The following MINDY4 variants were observed in gnomAD, a reference collection of about 807,000 sequenced individuals.
The protein encoded by MINDY4 is MINDY lysine 48 deubiquitinase 4.
MINDY4 carries 68 observed loss-of-function variants against 87.0 expected under a neutral mutation model. That is an observed-to-expected ratio of 0.78 (90% CI 0.64 to 0.96). The LOEUF (loss-of-function observed/expected upper bound fraction) is 0.96. Among genes scored for constraint, MINDY4 ranks in the 40% least tolerant of loss-of-function variants. The pLI is 0.00. For missense variants in MINDY4, 919 were observed against 928.2 expected, an observed-to-expected ratio of 0.99 and a Z score of 0.13; for synonymous variants, 379 against 363.2, an observed-to-expected ratio of 1.04 and a Z score of -0.50.
At chr7:30,852,497 T>A (rs1373996881) in intron 11 of MINDY4, among the ~76,000 whole-genome samples, 1 of 152,148 alleles carries the variant, frequency 6.6e-6, no homozygotes, top group East Asian at 1.9e-4. Flanking sequence ...GCTGACTGGC[T>A]TCCTGTCCCA....
chr7:30,882,133 C>T, intron 15 of MINDY4, 48 bp from the exon 16 acceptor site: 1 of 1,542,462 alleles, frequency 6.5e-7, no homozygotes, highest in Non-Finnish European at 8.8e-7. Flanking sequence ...ATGCCCGGAC[C>T]CCTTTCCCTG....
chr7:30,828,969 C>T (rs1240953980), intron 6 of MINDY4, among the ~76,000 whole-genome samples: 7 of 152,082 alleles, frequency 4.6e-5, no homozygotes, highest in Non-Finnish European at 2.9e-5. Flanking sequence ...TGGATCTACA[C>T]TGTGGGGCCA....
At chr7:30,819,115 T>C (rs1383966467) in intron 5 of MINDY4, among the ~76,000 whole-genome samples, 1 of 152,192 alleles carries the variant, frequency 6.6e-6, no homozygotes, top group Admixed American at 6.5e-5. Context: ...GTCTATTCTG[T>C]TGTTCTCTTT....
intron 5 of MINDY4, among the ~76,000 whole-genome samples, chr7:30,814,784 C>T (rs757752384): frequency 6.6e-6 from 1 of 152,184 alleles, no homozygotes; most frequent in African/African-American, 2.4e-5. Context: ...TAAGTGTAAG[C>T]CTCTTCACCT....
chr7:30,860,796 T>TG (rs758009359), intron 13 of MINDY4, among the ~76,000 whole-genome samples: 11 of 152,234 alleles, frequency 7.2e-5, no homozygotes, highest in Middle Eastern at 6.8e-3. Flanking sequence ...TGTGCACAGC[T>TG]GGGGGACTAG....
intron 13 of MINDY4, among the ~76,000 whole-genome samples, chr7:30,867,530 A>G (rs1454012973): frequency 6.6e-6 from 1 of 152,198 alleles, no homozygotes. Flanking sequence ...TGAGGCTCAG[A>G]GAGGGAAATA....
At chr7:30,844,801 G>A (rs1789154522) in intron 9 of MINDY4, among the ~76,000 whole-genome samples, 1 of 152,200 alleles carries the variant, frequency 6.6e-6, no homozygotes, top group Non-Finnish European at 1.5e-5. Flanking sequence ...TCAGGACCTG[G>A]ATTATGGTTG....
At chr7:30,845,533 A>G (rs1789182501) in intron 9 of MINDY4, among the ~76,000 whole-genome samples, 1 of 151,610 alleles carries the variant, frequency 6.6e-6, no homozygotes, top group African/African-American at 2.4e-5. Context: ...AAAAAAAAAA[A>G]AAAGGGCAAG....
chr7:30,878,429 C>T (rs1451121333), intron 15 of MINDY4, among the ~76,000 whole-genome samples: 3 of 152,290 alleles, frequency 2.0e-5, no homozygotes, highest in Non-Finnish European at 2.9e-5. Context: ...GTAACTGGTC[C>T]GGCCTGGCTG....
intron 17 of MINDY4, among the ~76,000 whole-genome samples, chr7:30,884,661 G>T (rs1036760329): frequency 2.6e-5 from 4 of 152,184 alleles, no homozygotes; most frequent in Non-Finnish European, 5.9e-5. Context: ...CTCCCAGGGG[G>T]TGGCCCACCA....
At chr7:30,802,891 T>C (rs1324781712) in intron 5 of MINDY4, among the ~76,000 whole-genome samples, 2 of 150,284 alleles carry the variant, frequency 1.3e-5, no homozygotes, top group Non-Finnish European at 3.0e-5. Context: ...AACCATCCAT[T>C]CATCCAACAA....
chr7:30,784,182 T>C (rs1221753323), intron 3 of MINDY4, among the ~76,000 whole-genome samples: 2 of 152,200 alleles, frequency 1.3e-5, no homozygotes, highest in Non-Finnish European at 2.9e-5. Context: ...CCGAGGCACT[T>C]ACTACCTGGC....
At chr7:30,800,016 G>T (rs936307202) in intron 5 of MINDY4, among the ~76,000 whole-genome samples, 1 of 152,124 alleles carries the variant, frequency 6.6e-6, no homozygotes, top group Non-Finnish European at 1.5e-5. Context: ...CCTGGAGTGG[G>T]GCGGGCAGTG....
Position 30,891,949 on chromosome 7 carries a change from A to G in MINDY4, c.2226-8A>G, listed in dbSNP as rs772866410. ...CTCTCTTTGTCTCTCTCCTCACTCTACGCTTAGGTGGAAGGGGGCATCAGT... is the reference window on the plus strand; with the variant it reads ...CTCTCTTTGTCTCTCTCCTCACTCTGCGCTTAGGTGGAAGGGGGCATCAGT... On this transcript the variant is annotated splice_region_variant and splice_polypyrimidine_tract_variant and intron_variant, in intron 17 of 17. Coordinates refer to ENST00000265299, the MANE Select transcript of MINDY4 (RefSeq NM_032222.3). 4.3e-6 allele frequency: 7 copies of G among 1,613,922 alleles called. No homozygotes were observed. The highest frequency in any genetic ancestry group is 2.2e-5 in the East Asian group (1 of 44,864).
chr7:30,775,079 T>C (rs1435388308), intron 1 of MINDY4, among the ~76,000 whole-genome samples: 1 of 152,164 alleles, frequency 6.6e-6, no homozygotes, highest in Non-Finnish European at 1.5e-5. Context: ...ACCAAATGTA[T>C]GGGGATTTTT....
At chr7:30,885,309 C>T (rs1213183402) in intron 17 of MINDY4, among the ~76,000 whole-genome samples, 3 of 152,124 alleles carry the variant, frequency 2.0e-5, no homozygotes, top group East Asian at 1.9e-4. Flanking sequence ...CACCTGAGGT[C>T]GGGAGTTTGA....
At chr7:30,865,277 T>G (rs1327135572) in intron 13 of MINDY4, among the ~76,000 whole-genome samples, 5 of 152,202 alleles carry the variant, frequency 3.3e-5, no homozygotes, top group African/African-American at 1.2e-4. Context: ...CTTTTGAAGC[T>G]TAGCTGGGAA....
At chr7:30,877,685 T>TCTTCTTCTTC (rs947288622) in intron 15 of MINDY4, among the ~76,000 whole-genome samples, 1 of 142,220 alleles carries the variant, frequency 7.0e-6, no homozygotes, top group African/African-American at 2.6e-5. Flanking sequence ...TTCTTCTTCT[T>TCTTCTTCTTC]TTTTTTTTTT....
chr7:30,851,233 G>A (rs529952732), intron 10 of MINDY4, among the ~76,000 whole-genome samples: 41 of 152,166 alleles, frequency 2.7e-4, no homozygotes, highest in Admixed American at 2.0e-3. Context: ...CTGGGGGCAC[G>A]TTGGTCACTG....
Sources: allele counts gnomAD v4.1 joint callset (sites outside exome capture counted in the v4.1 genomes callset), GRCh38; gene constraint gnomAD v4.1.1; transcripts MANE v1.5; gene names NCBI Gene and HGNC (gene_info 2026-07-23, HGNC 2026-07-21).